UVRAG: variants seen among roughly 807,000 people sequenced by gnomAD.
The protein encoded by UVRAG is UV radiation resistance associated.
UVRAG carries 19 observed loss-of-function variants against 78.0 expected under a neutral mutation model. The ratio of observed to expected loss-of-function variants is 0.24; its 90% CI spans 0.17 to 0.36. The LOEUF (loss-of-function observed/expected upper bound fraction) is 0.36, where lower values mean the gene tolerates loss of function less well. Ranked by LOEUF, UVRAG falls within the 10% of genes least tolerant of loss-of-function variation. UVRAG has a pLI of 1.00. For missense variants in UVRAG, 740 were observed against 853.8 expected (o/e 0.87, Z 1.66); for synonymous variants, 323 against 324.6 (o/e 1.00, Z 0.05).
At chr11:75,826,160 CT>C (rs1219755767) in intron 1 of UVRAG, among the ~76,000 whole-genome samples, 1 of 148,610 alleles carries the variant, frequency 6.7e-6, no homozygotes, top group Non-Finnish European at 1.5e-5. Context: ...GTTTTCTTTC[CT>C]TTTTTTTTCT....
intron 13 of UVRAG, among the ~76,000 whole-genome samples, chr11:76,072,341 A>G (rs1241942645): frequency 6.6e-6 from 1 of 152,168 alleles, no homozygotes; most frequent in African/African-American, 2.4e-5. Flanking sequence ...TATGGGATTA[A>G]GGGAAGTTTC....
intron 13 of UVRAG, among the ~76,000 whole-genome samples, chr11:76,084,238 T>A (rs1009561601): frequency 2.6e-5 from 4 of 152,244 alleles, no homozygotes; most frequent in Non-Finnish European, 5.9e-5. Flanking sequence ...CTTATTAAGA[T>A]ACCCATTAAA....
chr11:76,093,640 C>T (rs1213863549), intron 13 of UVRAG, among the ~76,000 whole-genome samples: 1 of 152,140 alleles, frequency 6.6e-6, no homozygotes, highest in Non-Finnish European at 1.5e-5. Flanking sequence ...GGAGTTCACT[C>T]ATGTTTTGGC....
At chr11:76,008,463 T>G (rs926216816) in intron 10 of UVRAG, among the ~76,000 whole-genome samples, 7 of 152,198 alleles carry the variant, frequency 4.6e-5, no homozygotes, top group South Asian at 2.1e-4. Flanking sequence ...TTTAAAAGAC[T>G]AATTTTCAGA....
chr11:76,100,052 G>A (rs188611623), intron 13 of UVRAG, among the ~76,000 whole-genome samples: 2 of 152,028 alleles, frequency 1.3e-5, no homozygotes, highest in Admixed American at 6.6e-5. Context: ...ATAATGTTAC[G>A]CATTCCCAAT....
intron 5 of UVRAG, among the ~76,000 whole-genome samples, chr11:75,906,563 G>A (rs1565373278): frequency 2.0e-5 from 3 of 152,186 alleles, no homozygotes; most frequent in East Asian, 1.9e-4. Flanking sequence ...AGCTAGGCTG[G>A]TCTCGAACTC....
chr11:76,008,948 C>T, intron 11 of UVRAG, 81 bp downstream of exon 11: 3 of 840,810 alleles, frequency 3.6e-6, no homozygotes, highest in Non-Finnish European at 5.4e-6. Flanking sequence ...TTGCCTAGCA[C>T]TTTATCCAAA....
chr11:75,892,413 G>C (rs1477760982), intron 5 of UVRAG: 2 of 984,220 alleles, frequency 2.0e-6, no homozygotes, highest in Non-Finnish European at 2.4e-6. Context: ...TCCCTCTAAC[G>C]GGAATAATAG....
chr11:76,068,718 A>C (rs1409961406), intron 13 of UVRAG, among the ~76,000 whole-genome samples: 1 of 152,158 alleles, frequency 6.6e-6, no homozygotes, highest in Non-Finnish European at 1.5e-5. Flanking sequence ...TACTGCCATC[A>C]CTTTTTCACG....
Position 76,008,872 on chromosome 11 carries a change from T to C in UVRAG, c.1060+5T>C, listed in dbSNP as rs1456090833. On this transcript the variant is annotated splice_donor_5th_base_variant and intron_variant, in intron 11 of 14. Transcript: ENST00000356136. ...CTAATTCTGAGGACTTCCAAGGTAT[T>C]TTATTTTTTATTTTGAAGATTTGTT... The C allele has an allele frequency of 1.4e-6, 2 of 1,412,884 alleles. No homozygotes were observed. The highest frequency in any genetic ancestry group is 2.1e-5 in the Admixed American group (1 of 46,562). The allele number at this position is 1,412,884 out of a possible 1,614,324, so 87.5% of individuals were successfully genotyped here. A position where few individuals can be genotyped will look rare whatever the true frequency, so the allele number is the denominator to read the frequency against.
At chr11:75,837,188 G>A (rs998493033) in intron 1 of UVRAG, among the ~76,000 whole-genome samples, 1 of 152,080 alleles carries the variant, frequency 6.6e-6, no homozygotes, top group Non-Finnish European at 1.5e-5. Flanking sequence ...TTAGCCGAGC[G>A]TGGTGGCAGG....
chr11:75,889,840 A>G (rs1437977696), intron 5 of UVRAG, among the ~76,000 whole-genome samples: 1 of 152,234 alleles, frequency 6.6e-6, no homozygotes, highest in Non-Finnish European at 1.5e-5. Flanking sequence ...ATGTAAACAC[A>G]AATGGTGGTA....
rs1169398203 is a variant in UVRAG, at chr11:76,140,779, A to G, written c.1466A>G (p.Asp489Gly). Reference protein sequence around the residue: ...KRQSSIFGGADVGFSGGIPSP... With the variant: ...KRQSSIFGGAGVGFSGGIPSP... ...CAAAGCTCCATATTTGGGGGTGCAG[A>G]TGTAGGCTTCTCTGGGGGGATCCCT... Residue 489 changes from aspartate to glycine, a missense_variant, in exon 15 of 15, where the codon GAT becomes GGT. By Grantham distance (94) the Asp-to-Gly change is moderately conservative. Transcript: ENST00000356136. The G allele has an allele frequency of 1.1e-5, 17 of 1,613,770 alleles. No individual in the cohort carries two copies. Among genetic ancestry groups the G allele is most frequent in the Non-Finnish European group, 1.4e-5 (17 of 1,179,942 alleles).
intron 2 of UVRAG, among the ~76,000 whole-genome samples, chr11:75,856,182 G>A (rs11236564): frequency 0.11 from 17,339 of 151,612 alleles, 1,089 homozygotes; most frequent in East Asian, 0.22. Flanking sequence ...GTAGAGACGG[G>A]GTTTCACTGT....
intron 10 of UVRAG, 98 bp from the exon 11 acceptor site, chr11:76,008,709 G>T: frequency 1.7e-6 from 1 of 601,186 alleles, no homozygotes; most frequent in South Asian, 2.7e-5. Flanking sequence ...TTGGAGTTTA[G>T]AACAGTGTTT....
At chr11:75,915,365 T>G (rs1408215182) in intron 6 of UVRAG, among the ~76,000 whole-genome samples, 7 of 152,228 alleles carry the variant, frequency 4.6e-5, no homozygotes, top group African/African-American at 1.7e-4. Flanking sequence ...TAGGCTAATT[T>G]CAGTGTTGCC....
chr11:76,079,326 A>C (rs953553514), intron 13 of UVRAG, among the ~76,000 whole-genome samples: 16 of 151,978 alleles, frequency 1.1e-4, no homozygotes, highest in Non-Finnish European at 5.9e-5. Flanking sequence ...TCTACAAAAA[A>C]TTAAAAAAAT....
intron 5 of UVRAG, chr11:75,892,394 G>C (rs760404028): frequency 2.0e-6 from 2 of 985,390 alleles, no homozygotes; most frequent in Non-Finnish European, 2.4e-6. Context: ...GGAATGCAGA[G>C]TAAGTGTTTC....
intron 14 of UVRAG, among the ~76,000 whole-genome samples, chr11:76,119,119 C>T (rs1228696733): frequency 6.6e-6 from 1 of 152,094 alleles, no homozygotes; most frequent in Non-Finnish European, 1.5e-5. Flanking sequence ...AGCTTGGTGC[C>T]TACCGAATTC....
Sources: allele counts gnomAD v4.1 joint callset (sites outside exome capture counted in the v4.1 genomes callset), GRCh38; gene constraint gnomAD v4.1.1; transcripts MANE v1.5; gene names NCBI Gene and HGNC (gene_info 2026-07-23, HGNC 2026-07-21).